The following TSPAN7 variants were observed in gnomAD, a reference collection of about 807,000 sequenced individuals.
TSPAN7 encodes the protein tetraspanin 7.
TSPAN7 carries 1 observed loss-of-function variant against 17.6 expected under a neutral mutation model. The ratio of observed to expected loss-of-function variants is 0.06; its 90% CI spans 0.02 to 0.27. The LOEUF is 0.27. TSPAN7 is among the 10% of genes least tolerant of loss of function. TSPAN7 has a pLI of 1.00. For missense variants in TSPAN7, 112 were observed against 201.7 expected (o/e 0.56, Z 2.69); for synonymous variants, 78 against 79.0 (o/e 0.99, Z 0.07).
intron 1 of TSPAN7, among the ~76,000 whole-genome samples, chrX:38,573,603 A>G (rs370887914): frequency 1.8e-5 from 2 of 111,813 alleles, no homozygotes; most frequent in East Asian, 5.6e-4. Context: ...TCAGAAGTCC[A>G]TACTTCATTC....
At chrX:38,671,112 A>G (rs747435879) in intron 2 of TSPAN7, among the ~76,000 whole-genome samples, 25 of 112,084 alleles carry the variant, frequency 2.2e-4, no homozygotes, top group Non-Finnish European at 4.3e-4. Context: ...CAGGTGAGCC[A>G]AGCTGATAGG....
intron 1 of TSPAN7, among the ~76,000 whole-genome samples, chrX:38,563,880 T>C (rs1253668979): frequency 8.9e-6 from 1 of 112,117 alleles, no homozygotes; most frequent in Non-Finnish European, 1.9e-5. Context: ...GAGGATATTT[T>C]AAACAAGACG....
chrX:38,642,546 A>G (rs1429035156), intron 1 of TSPAN7, among the ~76,000 whole-genome samples: 1 of 112,224 alleles, frequency 8.9e-6, no homozygotes, highest in East Asian at 2.8e-4. Flanking sequence ...AGAGAAATAG[A>G]CTTAAATGCC....
chrX:38,596,543 G>A (rs751201038), intron 1 of TSPAN7, among the ~76,000 whole-genome samples: 1 of 110,958 alleles, frequency 9.0e-6, no homozygotes, highest in African/African-American at 3.3e-5. Context: ...TCTATTGGAC[G>A]TAGGTCTATA....
chrX:38,641,711 C>T (rs2069612691), intron 1 of TSPAN7, among the ~76,000 whole-genome samples: 1 of 111,859 alleles, frequency 8.9e-6, no homozygotes, highest in South Asian at 3.8e-4. Flanking sequence ...CCCATTTTGT[C>T]CCCATGATGC....
At chrX:38,569,535 T>G (rs777964155) in intron 1 of TSPAN7, among the ~76,000 whole-genome samples, 3 of 110,528 alleles carry the variant, frequency 2.7e-5, no homozygotes, top group Non-Finnish European at 5.7e-5. Context: ...CGAAAAACTC[T>G]TACTGGAACC....
intron 1 of TSPAN7, among the ~76,000 whole-genome samples, chrX:38,582,994 A>G (rs2069235347): frequency 9.0e-6 from 1 of 111,651 alleles, no homozygotes; most frequent in Non-Finnish European, 1.9e-5. Flanking sequence ...ATTCACTTGG[A>G]CCTTTACAGC....
chrX:38,651,774 T>G (rs1295016577), intron 1 of TSPAN7, among the ~76,000 whole-genome samples: 1 of 112,081 alleles, frequency 8.9e-6, no homozygotes, highest in Non-Finnish European at 1.9e-5. Context: ...AGATCTCTGG[T>G]GCAATATACC....
chrX:38,636,510 G>A (rs1241809424), intron 1 of TSPAN7, among the ~76,000 whole-genome samples: 2 of 111,132 alleles, frequency 1.8e-5, no homozygotes, highest in Non-Finnish European at 3.8e-5. Flanking sequence ...GGAAAATGGT[G>A]GAACTCCAGC....
At chrX:38,636,075 GTTATTTATTTAT>G (rs146991452) in intron 1 of TSPAN7, among the ~76,000 whole-genome samples, 6 of 102,354 alleles carry the variant, frequency 5.9e-5, no homozygotes, top group Non-Finnish European at 7.8e-5. Flanking sequence ...TTTTCATTTT[GTTATTTATTTAT>G]TTATTTATTT....
intron 6 of TSPAN7, among the ~76,000 whole-genome samples, chrX:38,686,371 G>T (rs927370527): frequency 8.9e-6 from 1 of 112,186 alleles, no homozygotes; most frequent in Admixed American, 9.4e-5. Flanking sequence ...GACCTGAAGT[G>T]GCAGCAGGTG....
At chrX:38,595,338 T>C (rs891171898) in intron 1 of TSPAN7, among the ~76,000 whole-genome samples, 1 of 112,111 alleles carries the variant, frequency 8.9e-6, no homozygotes, top group Non-Finnish European at 1.9e-5. Flanking sequence ...CCTCCTAATA[T>C]CTAACTTTTA....
chrX:38,629,790 A>C (rs746819820), intron 1 of TSPAN7, among the ~76,000 whole-genome samples: 2 of 111,929 alleles, frequency 1.8e-5, no homozygotes, highest in Non-Finnish European at 3.8e-5. Flanking sequence ...GTCTGGGGAA[A>C]CTCAGACTTG....
At chrX:38,608,575 G>A (rs1240749519) in intron 1 of TSPAN7, among the ~76,000 whole-genome samples, 1 of 110,782 alleles carries the variant, frequency 9.0e-6, no homozygotes, top group Non-Finnish European at 1.9e-5. Flanking sequence ...AAAGTGGTCT[G>A]TTCCCCTTCT....
At chrX:38,574,341 A>AT (rs1044709979) in intron 1 of TSPAN7, among the ~76,000 whole-genome samples, 5 of 112,197 alleles carry the variant, frequency 4.5e-5, no homozygotes, top group African/African-American at 1.3e-4. Context: ...AACCCAAGAG[A>AT]TGTTAGGAAA....
intron 2 of TSPAN7, 87 bp downstream of exon 2, chrX:38,666,396 G>T (rs1446237479): frequency 1.2e-5 from 12 of 982,967 alleles, no homozygotes; most frequent in Non-Finnish European, 1.6e-5. Flanking sequence ...TTCGTCTTGA[G>T]GTCACAGACA....
chrX:38,596,592 C>T (rs2069319894), intron 1 of TSPAN7, among the ~76,000 whole-genome samples: 2 of 111,329 alleles, frequency 1.8e-5, no homozygotes, highest in Non-Finnish European at 3.8e-5. Flanking sequence ...TTGTGATCTA[C>T]ACCCTTGCTA....
At chrX:38,614,107 A>G (rs1002354811) in intron 1 of TSPAN7, among the ~76,000 whole-genome samples, 1 of 110,490 alleles carries the variant, frequency 9.1e-6, no homozygotes, top group Non-Finnish European at 1.9e-5. Flanking sequence ...TTGTCTTTTA[A>G]AAAACAATTC....
chrX:38,658,652 C>T (rs2069719872), intron 1 of TSPAN7, among the ~76,000 whole-genome samples: 1 of 111,343 alleles, frequency 9.0e-6, no homozygotes, highest in Non-Finnish European at 1.9e-5. Flanking sequence ...AAGCCTTAGT[C>T]CTTGAACTTC....
Sources: gnomAD v4.1 joint callset for allele counts (sites outside exome capture counted in the v4.1 genomes callset) on GRCh38, gnomAD v4.1.1 for gene constraint, MANE v1.5 for transcripts, NCBI Gene and HGNC (gene_info 2026-07-23, HGNC 2026-07-21) for gene names.